NAALADL2: variants seen among roughly 807,000 people sequenced by gnomAD.
The protein encoded by NAALADL2 is N-acetylated alpha-linked acidic dipeptidase like 2, also known as inactive N-acetylated-alpha-linked acidic dipeptidase-like protein 2.
A neutral mutation model predicts 87.2 loss-of-function variants in NAALADL2; 76 were observed. The ratio of observed to expected loss-of-function variants is 0.87; its 90% confidence interval spans 0.72 to 1.05. NAALADL2 has a LOEUF of 1.05. Among genes scored for constraint, NAALADL2 ranks in the 50% least tolerant of loss-of-function variants. The probability of loss-of-function intolerance (pLI) is 0.00; values close to 1 mark genes in which losing one functional copy is unlikely to be tolerated. For missense variants in NAALADL2, 1,089 were observed against 945.8 expected (o/e 1.15, Z -1.99); for synonymous variants, 354 against 331.0 (o/e 1.07, Z -0.75).
chr3:174,744,763 C>T (rs1391997254), intron 3 of NAALADL2, among the ~76,000 whole-genome samples: 2 of 152,136 alleles, frequency 1.3e-5, no homozygotes, highest in Non-Finnish European at 2.9e-5. Context: ...GAACACAGTG[C>T]AATCAATTTA....
At chr3:175,606,338 G>A (rs1417121344) in intron 10 of NAALADL2, among the ~76,000 whole-genome samples, 1 of 151,290 alleles carries the variant, frequency 6.6e-6, no homozygotes, top group African/African-American at 2.4e-5. Flanking sequence ...GGAAAAGGAA[G>A]TATTGGTTTC....
chr3:175,676,855 G>C (rs1734853894), intron 11 of NAALADL2: 1 of 152,142 alleles, frequency 6.6e-6, no homozygotes, highest in South Asian at 2.1e-4. Context: ...AAGCTGAAGA[G>C]AATCAAATGT....
Position 175,577,594 on chromosome 3 carries a change from G to A in NAALADL2, c.1800+1407G>A, listed in dbSNP as rs145954111. On this transcript the variant is annotated intron_variant, in intron 10 of 13. Coordinates refer to ENST00000454872, the MANE Select transcript of NAALADL2 (RefSeq NM_207015.3). Reference sequence around the variant, plus strand: ...AGGCTAAAGTCTATCTAACAGAACTGGCTTAGTCTGAAGGATCCAATCGTT... The same window carrying A: ...AGGCTAAAGTCTATCTAACAGAACTAGCTTAGTCTGAAGGATCCAATCGTT... Among the ~76,000 whole-genome samples the A allele has an allele frequency of 2.7e-3, 411 of 152,136 alleles. 1 individual carries two copies. The highest frequency in any genetic ancestry group is 4.8e-3 in the Non-Finnish European group (329 of 67,992).
At chr3:174,935,386 GA>G (rs1486260860) in intron 1 of NAALADL2, among the ~76,000 whole-genome samples, 1 of 152,086 alleles carries the variant, frequency 6.6e-6, no homozygotes. Context: ...TATCTTTGAT[GA>G]AAGCTGTGAC....
At chr3:174,950,920 A>G (rs532169851) in intron 1 of NAALADL2, among the ~76,000 whole-genome samples, 15 of 152,240 alleles carry the variant, frequency 9.9e-5, no homozygotes, top group African/African-American at 2.9e-4. Flanking sequence ...TCATCTATGT[A>G]TCTAGCTATT....
At chr3:175,143,107 T>A (rs1730239793) in intron 2 of NAALADL2, among the ~76,000 whole-genome samples, 1 of 151,968 alleles carries the variant, frequency 6.6e-6, no homozygotes, top group Admixed American at 6.6e-5. Context: ...AGGTACTTGC[T>A]TCAACCTCTT....
At chr3:175,095,591 G>A (rs1721008775) in intron 1 of NAALADL2, among the ~76,000 whole-genome samples, 1 of 151,784 alleles carries the variant, frequency 6.6e-6, no homozygotes, top group Admixed American at 6.6e-5. Flanking sequence ...AATTATATGG[G>A]CCTCAGCTAG....
intron 1 of NAALADL2, among the ~76,000 whole-genome samples, chr3:175,088,410 A>T (rs1719462521): frequency 1.3e-5 from 2 of 152,216 alleles, no homozygotes; most frequent in Non-Finnish European, 2.9e-5. Flanking sequence ...GTATCATGAT[A>T]TATTAACACT....
At chr3:175,770,798 T>C (rs559969136) in intron 13 of NAALADL2, among the ~76,000 whole-genome samples, 1 of 152,302 alleles carries the variant, frequency 6.6e-6, no homozygotes, top group South Asian at 2.1e-4. Flanking sequence ...TGTAGCCTTG[T>C]TAGACACAAA....
chr3:174,481,390 G>A (rs554531259), intron 1 of NAALADL2, among the ~76,000 whole-genome samples: 1 of 152,032 alleles, frequency 6.6e-6, no homozygotes, highest in South Asian at 2.1e-4. Context: ...GTCACATATG[G>A]TTCTAAGTTG....
chr3:174,500,971 CTCAG>C lies in NAALADL2; in HGVS notation c.-183-49597_-183-49594del, dbSNP rs537282803. On this transcript the variant is annotated intron_variant, in intron 1 of 3. Coordinates refer to the NAALADL2 transcript ENST00000434257. ...GCCCAGGTTCAAACAATTCTCGAGC[CTCAG>C]CCTTCCGAGTAGCTGGGATTATAGG... Among the ~76,000 whole-genome samples, 467 of 152,194 alleles carry C rather than the reference CTCAG, an allele frequency of 3.1e-3. 2 individuals are homozygous for C. Among genetic ancestry groups the C allele is most frequent in the African/African-American group, 0.01 (426 of 41,524 alleles).
intron 2 of NAALADL2, among the ~76,000 whole-genome samples, chr3:175,113,630 G>A (rs1056990076): frequency 4.0e-5 from 6 of 151,400 alleles, no homozygotes; most frequent in South Asian, 2.1e-4. Context: ...AGCAAGCAGC[G>A]TAAGAATCAT....
At chr3:174,834,671 A>T (rs1723128140) in intron 3 of NAALADL2, among the ~76,000 whole-genome samples, 1 of 152,010 alleles carries the variant, frequency 6.6e-6, no homozygotes, top group Non-Finnish European at 1.5e-5. Flanking sequence ...TATTAAAAAC[A>T]AATTATAAAA....
At chr3:175,706,113 G>A (rs532812004) in intron 11 of NAALADL2, among the ~76,000 whole-genome samples, 39 of 152,186 alleles carry the variant, frequency 2.6e-4, no homozygotes, top group Middle Eastern at 6.8e-3. Flanking sequence ...AAGAAACAAG[G>A]AGTGAATGGG....
At chr3:175,316,766 C>G (rs1283045595) in intron 4 of NAALADL2, among the ~76,000 whole-genome samples, 1 of 152,070 alleles carries the variant, frequency 6.6e-6, no homozygotes, top group Non-Finnish European at 1.5e-5. Context: ...TTTAGACAAC[C>G]CCAACCTCAG....
intron 2 of NAALADL2, among the ~76,000 whole-genome samples, chr3:174,671,846 C>A (rs1726567894): frequency 6.6e-6 from 1 of 151,744 alleles, no homozygotes; most frequent in Non-Finnish European, 1.5e-5. Context: ...CATTTCTGAC[C>A]AAATAAGGTT....
At chr3:175,288,268 A>G (rs553095519) in intron 4 of NAALADL2, among the ~76,000 whole-genome samples, 1 of 152,274 alleles carries the variant, frequency 6.6e-6, no homozygotes, top group Admixed American at 6.5e-5. Context: ...AGGGATGGTA[A>G]CATTTTTGTT....
chr3:174,885,585 T>A (rs900482814), intron 1 of NAALADL2, among the ~76,000 whole-genome samples: 2 of 152,132 alleles, frequency 1.3e-5, no homozygotes, highest in Non-Finnish European at 2.9e-5. Flanking sequence ...ATCAGTGTAC[T>A]CCATACTATT....
At chr3:174,753,130 A>T (rs1735001525) in intron 3 of NAALADL2, among the ~76,000 whole-genome samples, 1 of 151,972 alleles carries the variant, frequency 6.6e-6, no homozygotes, top group Non-Finnish European at 1.5e-5. Flanking sequence ...TTGAGACAGA[A>T]TTTCACTCTG....
Sources: gnomAD v4.1 joint callset for allele counts (sites outside exome capture counted in the v4.1 genomes callset) on GRCh38, gnomAD v4.1.1 for gene constraint, MANE v1.5 for transcripts, NCBI Gene and HGNC (gene_info 2026-07-23, HGNC 2026-07-21) for gene names.